Variants in CFAP20DC observed in about 807,000 individuals in gnomAD.
CFAP20DC encodes the protein protein CFAP20DC.
A neutral mutation model predicts 101.7 loss-of-function variants in CFAP20DC; 84 were observed. The observed-to-expected ratio is 0.83, with a 90% CI of 0.69 to 0.99. CFAP20DC has a LOEUF of 0.99. CFAP20DC is among the 50% of genes least tolerant of loss of function. The pLI is 0.00. For synonymous variants in CFAP20DC, 359 were observed against 351.2 expected, an observed-to-expected ratio of 1.02 and a Z score of -0.25; for missense variants, 1,007 against 970.3, an observed-to-expected ratio of 1.04 and a Z score of -0.50.
intron 4 of CFAP20DC, among the ~76,000 whole-genome samples, chr3:59,005,563 T>A (rs1368497983): frequency 6.6e-6 from 1 of 152,212 alleles, no homozygotes; most frequent in East Asian, 1.9e-4. Flanking sequence ...TTATATGAAT[T>A]AAGCTTTCCG....
At position 59,049,922 on chromosome 3, in the gene CFAP20DC, G is replaced by A; in HGVS notation, c.-291C>T. The A allele has an allele frequency of 2.4e-6, 1 of 421,958 alleles. No individual in the cohort carries two copies. The highest frequency in any genetic ancestry group is 4.8e-5 in the South Asian group (1 of 20,626). The allele number at this position is 421,958 out of a possible 1,614,324, so 26.1% of individuals were successfully genotyped here. A position where few individuals can be genotyped will look rare whatever the true frequency, so the allele number is the denominator to read the frequency against. ...CGGGCCGTCCCTGGGGAGTGATTGT[G>A]TGTGTAACCTACGTGACGGGGCGCC... On this transcript the variant is annotated 5_prime_UTR_variant, in exon 1 of 17. Coordinates refer to ENST00000482387, the MANE Select transcript of CFAP20DC (RefSeq NM_001394063.1).
chr3:58,817,646 G>C (rs552784010), intron 14 of CFAP20DC, among the ~76,000 whole-genome samples: 2 of 145,226 alleles, frequency 1.4e-5, no homozygotes, highest in East Asian at 2.1e-4. Context: ...TATGTGAAAA[G>C]ACCAAATCTA....
chr3:58,805,094 A>T (rs1343229793), intron 15 of CFAP20DC, among the ~76,000 whole-genome samples: 2 of 152,132 alleles, frequency 1.3e-5, no homozygotes, highest in Non-Finnish European at 2.9e-5. Flanking sequence ...TTCATTGTTT[A>T]TTGCTGACTG....
At chr3:58,813,336 C>T (rs928216975) in intron 14 of CFAP20DC, among the ~76,000 whole-genome samples, 1 of 151,922 alleles carries the variant, frequency 6.6e-6, no homozygotes, top group Non-Finnish European at 1.5e-5. Context: ...ATTCCATCCT[C>T]TTTTTGAACA....
chr3:58,806,569 G>C (rs917963961), intron 14 of CFAP20DC, 113 bp from the exon 15 acceptor site: 7 of 797,200 alleles, frequency 8.8e-6, no homozygotes, highest in East Asian at 5.2e-5. Flanking sequence ...CCACAAGAAG[G>C]GTATGGGTGG....
At chr3:58,770,259 C>T (rs1329754441) in intron 15 of CFAP20DC, among the ~76,000 whole-genome samples, 1 of 152,184 alleles carries the variant, frequency 6.6e-6, no homozygotes, top group Non-Finnish European at 1.5e-5. Context: ...CTGACCCTTT[C>T]CTTTCCTTCT....
chr3:58,933,101 G>A (rs1324407340), intron 5 of CFAP20DC, among the ~76,000 whole-genome samples: 4 of 151,582 alleles, frequency 2.6e-5, no homozygotes, highest in African/African-American at 4.9e-5. Context: ...TGGAAAACAA[G>A]AAAAGGCAGG....
chr3:58,871,345 A>G (rs1460261008), intron 7 of CFAP20DC, among the ~76,000 whole-genome samples: 7 of 152,128 alleles, frequency 4.6e-5, no homozygotes, highest in Non-Finnish European at 7.4e-5. Context: ...AGCCTATTCT[A>G]AATTTGGTAG....
intron 4 of CFAP20DC, among the ~76,000 whole-genome samples, chr3:58,976,802 G>T (rs1298288559): frequency 6.6e-6 from 1 of 152,040 alleles, no homozygotes; most frequent in Admixed American, 6.6e-5. Context: ...GGTCTACATG[G>T]CCCAGCTGTA....
intron 4 of CFAP20DC, among the ~76,000 whole-genome samples, chr3:58,977,498 G>A (rs1348884911): frequency 6.6e-6 from 1 of 152,136 alleles, no homozygotes; most frequent in Admixed American, 6.5e-5. Context: ...ACTGAGGTAA[G>A]CCCTGACTGT....
intron 4 of CFAP20DC, among the ~76,000 whole-genome samples, chr3:58,946,113 ATTTTTT>A (rs57865077): frequency 8.1e-6 from 1 of 123,826 alleles, no homozygotes; most frequent in African/African-American, 3.3e-5. Context: ...AACTGCCCCA[ATTTTTT>A]TTTTTTTTTT....
intron 14 of CFAP20DC, among the ~76,000 whole-genome samples, chr3:58,823,704 G>A (rs916356177): frequency 3.3e-5 from 5 of 152,092 alleles, no homozygotes; most frequent in African/African-American, 1.2e-4. Context: ...GCTCGAGAGT[G>A]CATCTAGAGT....
At chr3:58,932,251 C>T (rs573697830) in intron 5 of CFAP20DC, among the ~76,000 whole-genome samples, 1 of 152,242 alleles carries the variant, frequency 6.6e-6, no homozygotes, top group South Asian at 2.1e-4. Context: ...CAAACAAAGC[C>T]TCCAAGAAAT....
intron 4 of CFAP20DC, among the ~76,000 whole-genome samples, chr3:58,949,586 G>C (rs1221180594): frequency 1.3e-5 from 2 of 152,082 alleles, no homozygotes; most frequent in Non-Finnish European, 2.9e-5. Flanking sequence ...CCATGTAGTT[G>C]AGGTTTTGAG....
chr3:58,965,970 G>C (rs1414662840), intron 4 of CFAP20DC, among the ~76,000 whole-genome samples: 1 of 152,162 alleles, frequency 6.6e-6, no homozygotes, highest in African/African-American at 2.4e-5. Context: ...TGAGAACACT[G>C]ACAAAAATGG....
At chr3:58,810,540 G>C (rs1479873296) in intron 14 of CFAP20DC, among the ~76,000 whole-genome samples, 5 of 151,942 alleles carry the variant, frequency 3.3e-5, no homozygotes, top group African/African-American at 1.2e-4. Context: ...ATTAGGTATT[G>C]ATGGGACGTA....
intron 15 of CFAP20DC, among the ~76,000 whole-genome samples, 162 bp downstream of exon 15, chr3:58,806,233 T>C (rs1410666958): frequency 6.6e-6 from 1 of 152,224 alleles, no homozygotes; most frequent in Non-Finnish European, 1.5e-5. Flanking sequence ...GTTACCACTA[T>C]TCTAAAGTCC....
At chr3:59,033,363 G>A (rs1005350572) in intron 4 of CFAP20DC, among the ~76,000 whole-genome samples, 1 of 152,178 alleles carries the variant, frequency 6.6e-6, no homozygotes, top group African/African-American at 2.4e-5. Context: ...TGAACTGACA[G>A]AAGTAGGCTT....
In CFAP20DC at chr3:58,882,358, C is replaced by T. The variant is rs2081290957; in HGVS notation, c.715+2187G>A. Among the ~76,000 whole-genome samples the T allele has an allele frequency of 6.6e-6, 1 of 151,940 alleles. No individual in the cohort carries two copies. Among genetic ancestry groups the T allele is most frequent in the Non-Finnish European group, 1.5e-5 (1 of 67,958 alleles). On this transcript the variant is annotated intron_variant, in intron 7 of 16. Coordinates refer to ENST00000482387, the MANE Select transcript of CFAP20DC (RefSeq NM_001394063.1). The surrounding 1 kb of genome is among the most constrained non-coding windows in gnomAD (Gnocchi z 4.2). Reference sequence around the variant, plus strand: ...TTTAATTTCACACATTATAAGTGTCCTTCAAATTTAAATTGAAAAAGACAC... The same window carrying T: ...TTTAATTTCACACATTATAAGTGTCTTTCAAATTTAAATTGAAAAAGACAC...
Sources: allele counts gnomAD v4.1 joint callset (sites outside exome capture counted in the v4.1 genomes callset), GRCh38; gene constraint gnomAD v4.1.1; non-coding constraint Gnocchi (gnomAD v3.1); transcripts MANE v1.5; gene names NCBI Gene and HGNC (gene_info 2026-07-23, HGNC 2026-07-21).